The following MADD variants were observed in gnomAD, a reference collection of about 807,000 sequenced individuals.
The protein encoded by MADD is MAP kinase-activating death domain protein.
A neutral mutation model predicts 176.7 loss-of-function variants in MADD; 109 were observed. That is an observed-to-expected ratio of 0.62 (90% CI 0.53 to 0.72). MADD has a LOEUF of 0.72. MADD is among the 30% of genes least tolerant of loss of function. The pLI, the probability that MADD is intolerant of heterozygous loss-of-function variation, is 0.00. For missense variants in MADD, 1,914 were observed against 2,045.5 expected, an observed-to-expected ratio of 0.94 and a Z score of 1.24; for synonymous variants, 771 against 771.3, an observed-to-expected ratio of 1.00 and a Z score of 0.01.
At chr11:47,315,236 C>T in exon 27 of MADD, 1 of 1,612,170 alleles carries the variant, frequency 6.2e-7, no homozygotes, top group Non-Finnish European at 8.5e-7. Flanking sequence ...CGCGATCTCT[C>T]TATCTGGTCC....
Position 47,321,766 on chromosome 11 carries a change from G to GT in MADD, c.4198-1903dup, listed in dbSNP as rs372814393. Among the ~76,000 whole-genome samples, 484 of 152,266 alleles carry GT rather than the reference G, an allele frequency of 3.2e-3. 6 individuals are homozygous for GT. The highest frequency in any genetic ancestry group is 0.011 in the African/African-American group (468 of 41,554). ...GGGACTCAGTGATGGAGTGTAGTTA[G>GT]TTAGAGGGAAGAGGAAGGAGTCGGG... On this transcript the variant is annotated intron_variant, in intron 27 of 32. Transcript: ENST00000402192.
At chr11:47,319,990 CAAAAAAAAAAA>C (rs11302029) in intron 27 of MADD, among the ~76,000 whole-genome samples, 1 of 67,880 alleles carries the variant, frequency 1.5e-5, no homozygotes, top group Non-Finnish European at 2.7e-5. Context: ...GACTCCATCG[CAAAAAAAAAAA>C]AAAAAAAAAA....
chr11:47,311,863 C>G, intron 26 of MADD, 21 bp downstream of exon 29: 4 of 1,497,628 alleles, frequency 2.7e-6, no homozygotes, highest in Non-Finnish European at 3.7e-6. Context: ...CTGGCCACCC[C>G]TTAGGCTTCC....
At chr11:47,328,188 G>T in intron 31 of MADD, 1 of 1,050,874 alleles carries the variant, frequency 9.5e-7, no homozygotes, top group Non-Finnish European at 1.1e-6. Flanking sequence ...GGAATAACGG[G>T]AACTGTGTTT....
chr11:47,309,883 C>G (rs939666476), intron 25 of MADD, among the ~76,000 whole-genome samples: 14 of 150,916 alleles, frequency 9.3e-5, no homozygotes, highest in Admixed American at 5.9e-4. Flanking sequence ...GCTCTGTCAC[C>G]CAGGCAGGAG....
intron 31 of MADD, 116 bp downstream of exon 35, chr11:47,326,923 A>G (rs1355423649): frequency 1.3e-6 from 2 of 1,500,146 alleles, no homozygotes; most frequent in Middle Eastern, 1.8e-4. Context: ...AGAAGTCAGG[A>G]GGAGCAGGAG....
chr11:47,276,768 A>G (rs558819722), exon 5 of MADD: 122 of 1,614,054 alleles, frequency 7.6e-5, no homozygotes, highest in Non-Finnish European at 1.0e-4. Flanking sequence ...TGCACTCTCC[A>G]TGTCTGTGAT....
At chr11:47,295,958 A>G (rs760972317) in exon 22 of MADD, 1 of 1,614,066 alleles carries the variant, frequency 6.2e-7, no homozygotes, top group Non-Finnish European at 8.5e-7. Context: ...AATGCAGGTG[A>G]TGGACCAGGT....
chr11:47,274,073 T>C, intron 2 of MADD, 97 bp downstream of exon 2: 1 of 1,143,164 alleles, frequency 8.7e-7, no homozygotes, highest in East Asian at 2.5e-5. Context: ...TTTGCATAGC[T>C]CATCTTCTCC....
At chr11:47,324,964 G>A (rs2095247621) in intron 30 of MADD, 9 of 584,508 alleles carry the variant, frequency 1.5e-5, no homozygotes, top group East Asian at 2.9e-5. Flanking sequence ...TAGACTGGCC[G>A]ATCTCCTTGT....
chr11:47,277,187 T>C (rs1456834215), intron 5 of MADD, among the ~76,000 whole-genome samples: 1 of 152,218 alleles, frequency 6.6e-6, no homozygotes, highest in African/African-American at 2.4e-5. Context: ...CACAGATAGT[T>C]CCAAACTCTA....
chr11:47,273,900 T>A, exon 2 of MADD: 1 of 1,613,048 alleles, frequency 6.2e-7, no homozygotes, highest in Non-Finnish European at 8.5e-7. Context: ...TGAGATAAAC[T>A]GATGAATTGG....
At chr11:47,324,243 C>A (rs750014479) in intron 28 of MADD, 22 bp from the exon 32 acceptor site, 1 of 1,611,792 alleles carries the variant, frequency 6.2e-7, no homozygotes, top group South Asian at 1.1e-5. Context: ...CATGATGGGA[C>A]CACTCTCCCC....
intron 25 of MADD, among the ~76,000 whole-genome samples, chr11:47,310,056 G>A (rs2086935392): frequency 6.6e-6 from 1 of 151,930 alleles, no homozygotes; most frequent in Admixed American, 6.6e-5. Flanking sequence ...TGGCCAGGCT[G>A]GTCTCAAACT....
chr11:47,285,135 T>TC lies in MADD; in HGVS notation c.2352_2353insC (p.Glu785ArgfsTer3), dbSNP rs1309195151. On this transcript the variant is annotated frameshift_variant, in exon 13 of 33. Transcript: ENST00000402192. LOFTEE classifies it high-confidence loss of function. ...AATATGGCTTTCCCCCTGAGGAAGATGAGGATGAGCAGGGGGAAAGTTACA... is the reference window on the plus strand; with the variant it reads ...AATATGGCTTTCCCCCTGAGGAAGATCGAGGATGAGCAGGGGGAAAGTTACA... 6.2e-7 allele frequency: 1 copy of TC among 1,613,956 alleles called. No individual in the cohort carries two copies. Among genetic ancestry groups the TC allele is most frequent in the African/African-American group, 1.3e-5 (1 of 74,882 alleles).
intron 22 of MADD, among the ~76,000 whole-genome samples, chr11:47,302,764 T>C (rs1357394362): frequency 6.6e-6 from 1 of 152,216 alleles, no homozygotes; most frequent in Non-Finnish European, 1.5e-5. Flanking sequence ...AAGGTTGTTA[T>C]TGATAGTGTG....
In MADD at chr11:47,321,491, AAGAC is replaced by A. The variant is rs368709704; in HGVS notation, c.4198-2175_4198-2172del. Among the ~76,000 whole-genome samples the A allele has an allele frequency of 2.0e-3, 305 of 152,330 alleles. 11 individuals carry two copies. The South Asian group carries it at 0.061, about 30-fold the overall frequency. ...GGGTGTTGGGATTATAGCAGTGAAT[AAGAC>A]AGACGTGATTTCTATTGCCCTTAGC... On this transcript the variant is annotated intron_variant, in intron 27 of 32. Coordinates refer to ENST00000402192, the Ensembl canonical transcript of MADD.
chr11:47,273,181 T>C (rs1297761094), intron 1 of MADD, among the ~76,000 whole-genome samples: 1 of 152,202 alleles, frequency 6.6e-6, no homozygotes. Flanking sequence ...TTGATCCTGA[T>C]CCACCCTGGA....
In MADD at chr11:47,316,635, C is replaced by T. The variant is rs1255718790; in HGVS notation, c.4197+1308C>T. ...CAACTCCTGACCTCACTGATCCACC[C>T]GCCTCGGCCTCCCAAAGTGCTGAGA... On this transcript the variant is annotated intron_variant, in intron 27 of 32. Transcript: ENST00000402192. Among the ~76,000 whole-genome samples the T allele has an allele frequency of 5.3e-5, 8 of 152,054 alleles. No individual in the cohort carries two copies. The East Asian group carries it at 7.7e-4, about 15-fold the overall frequency.
Sources: gnomAD v4.1 joint callset for allele counts (sites outside exome capture counted in the v4.1 genomes callset) on GRCh38, gnomAD v4.1.1 for gene constraint, MANE v1.5 for transcripts, NCBI Gene and HGNC (gene_info 2026-07-23, HGNC 2026-07-21) for gene names.